ADGRL3: variants seen among roughly 807,000 people sequenced by gnomAD.
The protein encoded by ADGRL3 is adhesion G protein-coupled receptor L3.
Under a neutral mutation model 153.5 loss-of-function variants are expected in ADGRL3, and 62 were observed. The observed-to-expected ratio is 0.40, with a 90% confidence interval of 0.33 to 0.50. The LOEUF (loss-of-function observed/expected upper bound fraction) is 0.50, where lower values mean the gene tolerates loss of function less well. Among genes scored for constraint, ADGRL3 ranks in the 20% least tolerant of loss-of-function variants. The pLI is 0.47. For missense variants in ADGRL3, 1,641 were observed against 1,859.4 expected (o/e 0.88, Z 2.16); for synonymous variants, 710 against 672.5 (o/e 1.06, Z -0.86).
chr4:61,237,443 A>T (rs2149274666), intron 1 of ADGRL3, among the ~76,000 whole-genome samples: 1 of 152,284 alleles, frequency 6.6e-6, no homozygotes, highest in South Asian at 2.1e-4. Context: ...CACAAGGAGG[A>T]GCACAAAATG....
chr4:61,230,071 T>A (rs181955630), intron 1 of ADGRL3, among the ~76,000 whole-genome samples: 501 of 152,246 alleles, frequency 3.3e-3, no homozygotes, highest in Middle Eastern at 0.014. Context: ...TTCATCAGTA[T>A]AATGTTATAG....
rs192756481 is a variant in ADGRL3 at position 61,376,809 on chromosome 4, G to A, written c.-239-6315G>A. 6.6e-5 allele frequency among the ~76,000 whole-genome samples: 10 copies of A among 152,278 alleles called. 1 individual carries two copies. The South Asian group carries it at 1.7e-3, about 25-fold the overall frequency. ...TATGTCATAGGACAATGGCTACATA[G>A]TTCCTTAGATACTAGCAGTAAGTTG... On this transcript the variant is annotated intron_variant, in intron 1 of 26. Coordinates refer to ENST00000683033, the MANE Select transcript of ADGRL3 (RefSeq NM_001387552.1).
At chr4:61,908,376 T>G (rs1356369836) in intron 11 of ADGRL3, among the ~76,000 whole-genome samples, 1 of 152,096 alleles carries the variant, frequency 6.6e-6, no homozygotes, top group Non-Finnish European at 1.5e-5. Flanking sequence ...ACGGGTAGAT[T>G]GCCTAAGGTC....
intron 2 of ADGRL3, among the ~76,000 whole-genome samples, chr4:61,405,847 C>T (rs925679730): frequency 6.6e-5 from 10 of 151,882 alleles, no homozygotes; most frequent in South Asian, 2.1e-4. Flanking sequence ...AGAAAAAGAA[C>T]GCATTTTCTT....
At chr4:61,813,996 G>A (rs539474649) in intron 9 of ADGRL3, 107 bp downstream of exon 9, 25 of 1,417,344 alleles carry the variant, frequency 1.8e-5, no homozygotes, top group Admixed American at 7.2e-5. Context: ...TCAAAAAGCA[G>A]GGGTAAAATG....
At chr4:61,693,358 AT>A (rs202212530) in intron 6 of ADGRL3, among the ~76,000 whole-genome samples, 1 of 149,894 alleles carries the variant, frequency 6.7e-6, no homozygotes, top group Non-Finnish European at 1.5e-5. Flanking sequence ...AGTTTTTTCT[AT>A]TTTTTTTTCT....
chr4:62,058,660 T>G (rs1738390942), intron 25 of ADGRL3, among the ~76,000 whole-genome samples: 1 of 152,146 alleles, frequency 6.6e-6, no homozygotes, highest in African/African-American at 2.4e-5. Context: ...ATCGTATGTA[T>G]GTCTTCAAAC....
At chr4:61,206,996 A>T (rs1458095424) in intron 1 of ADGRL3, among the ~76,000 whole-genome samples, 1 of 151,776 alleles carries the variant, frequency 6.6e-6, no homozygotes, top group Non-Finnish European at 1.5e-5. Flanking sequence ...AAATAAATAA[A>T]TAAATAAATA....
chr4:61,238,015 C>G (rs1753483326), intron 1 of ADGRL3, among the ~76,000 whole-genome samples: 2 of 152,112 alleles, frequency 1.3e-5, no homozygotes, highest in Non-Finnish European at 2.9e-5. Flanking sequence ...ACAACTTTCT[C>G]CTTTCAGCTG....
intron 5 of ADGRL3, among the ~76,000 whole-genome samples, chr4:61,664,618 A>G (rs2094718231): frequency 6.6e-6 from 1 of 152,150 alleles, no homozygotes; most frequent in African/African-American, 2.4e-5. Flanking sequence ...CTAAGATCAC[A>G]TAGTGGGGAT....
chr4:61,691,710 C>A (rs997505172), intron 6 of ADGRL3, among the ~76,000 whole-genome samples: 13 of 152,110 alleles, frequency 8.5e-5, no homozygotes, highest in Non-Finnish European at 5.9e-5. Context: ...TCATAAAATT[C>A]TGAATACCAA....
intron 6 of ADGRL3, among the ~76,000 whole-genome samples, chr4:61,713,110 T>C (rs1170356206): frequency 1.3e-5 from 2 of 152,202 alleles, no homozygotes; most frequent in Non-Finnish European, 2.9e-5. Context: ...TAAATATTAA[T>C]GCATGTTACT....
chr4:61,764,177 G>A (rs2096945659), intron 8 of ADGRL3, among the ~76,000 whole-genome samples: 4 of 152,094 alleles, frequency 2.6e-5, no homozygotes, highest in Admixed American at 2.6e-4. Flanking sequence ...TTCAGAAGTA[G>A]GAGAGTATCA....
At chr4:62,007,262 CA>C (rs1476883392) in intron 21 of ADGRL3, among the ~76,000 whole-genome samples, 1 of 147,938 alleles carries the variant, frequency 6.8e-6, no homozygotes, top group African/African-American at 2.5e-5. Flanking sequence ...CTCCCGGCTG[CA>C]AGGGAATCTG....
intron 5 of ADGRL3, among the ~76,000 whole-genome samples, chr4:61,620,634 C>CTTTTTTTTTTTTTT (rs71664993): frequency 7.2e-5 from 5 of 69,730 alleles, no homozygotes; most frequent in Admixed American, 2.2e-4. Context: ...TAAATTGTGA[C>CTTTTTTTTTTTTTT]TTTTTTTTTT....
chr4:61,752,761 C>T (rs368863092), intron 8 of ADGRL3, among the ~76,000 whole-genome samples: 1 of 152,084 alleles, frequency 6.6e-6, no homozygotes, highest in Non-Finnish European at 1.5e-5. Context: ...GGTGAGACCT[C>T]GTTTCTACAA....
chr4:61,519,228 G>A (rs1178260241), intron 4 of ADGRL3, among the ~76,000 whole-genome samples: 2 of 152,042 alleles, frequency 1.3e-5, no homozygotes, highest in Non-Finnish European at 2.9e-5. Flanking sequence ...TTATTCCCCA[G>A]TTTTTATAGC....
At chr4:61,660,836 G>T (rs2094573038) in intron 5 of ADGRL3, among the ~76,000 whole-genome samples, 2 of 152,020 alleles carry the variant, frequency 1.3e-5, no homozygotes, top group South Asian at 4.1e-4. Context: ...ACTTTACTTG[G>T]TTGCCTGTGT....
chr4:61,272,402 T>C (rs958686910), intron 1 of ADGRL3, among the ~76,000 whole-genome samples: 1 of 152,062 alleles, frequency 6.6e-6, no homozygotes, highest in African/African-American at 2.4e-5. Context: ...AAAAGAAAAT[T>C]AATTGGTAAG....
Sources: gnomAD v4.1 joint callset for allele counts (sites outside exome capture counted in the v4.1 genomes callset) on GRCh38, gnomAD v4.1.1 for gene constraint, MANE v1.5 for transcripts, NCBI Gene and HGNC (gene_info 2026-07-23, HGNC 2026-07-21) for gene names.